Variants in ADAMTS2 observed in about 807,000 individuals in gnomAD.
ADAMTS2 encodes A disintegrin and metalloproteinase with thrombospondin motifs 2.
In ADAMTS2, 50 loss-of-function variants were observed where a neutral mutation model predicts 123.0. The observed-to-expected ratio is 0.41, with a 90% CI of 0.32 to 0.51. The LOEUF is 0.51. ADAMTS2 is among the 20% of genes least tolerant of loss of function. ADAMTS2 has a pLI of 0.35. For synonymous variants in ADAMTS2, 678 were observed against 695.4 expected (o/e 0.98, Z 0.39); for missense variants, 1,494 against 1,705.2 (o/e 0.88, Z 2.18).
rs186566802 is a variant in ADAMTS2 at position 179,216,446 on chromosome 5, G to A, written c.689-8731C>T. On this transcript the variant is annotated intron_variant, in intron 3 of 21. Transcript: ENST00000251582. ...TCCCCCCACCGAGAGCTGGAGGCAG[G>A]CCGTGGCGAGCTTAGAAGCAGGACG... is the stretch of plus-strand genomic sequence containing the variant. Among the ~76,000 whole-genome samples, 72 of 151,488 alleles carry A rather than the reference G, an allele frequency of 4.8e-4. 1 individual carries two copies. The highest frequency in any genetic ancestry group is 2.5e-3 in the South Asian group (12 of 4,760).
chr5:179,161,387 G>A (rs1028824698), intron 5 of ADAMTS2, among the ~76,000 whole-genome samples: 4 of 152,176 alleles, frequency 2.6e-5, no homozygotes, highest in African/African-American at 9.7e-5. Flanking sequence ...ACTTAAGATT[G>A]GCAGCCCAGA....
At chr5:179,310,157 C>T (rs1756790320) in intron 2 of ADAMTS2, among the ~76,000 whole-genome samples, 1 of 152,242 alleles carries the variant, frequency 6.6e-6, no homozygotes, top group Non-Finnish European at 1.5e-5. Flanking sequence ...CCTGCACGTC[C>T]CATGTCCCCA....
At chr5:179,211,151 G>A (rs970703695) in intron 3 of ADAMTS2, among the ~76,000 whole-genome samples, 2 of 152,278 alleles carry the variant, frequency 1.3e-5, no homozygotes, top group Admixed American at 6.5e-5. Context: ...GCTATTTGCT[G>A]CTCTCCCCTC....
intron 5 of ADAMTS2, among the ~76,000 whole-genome samples, chr5:179,159,385 T>C (rs1478060876): frequency 6.6e-6 from 1 of 152,220 alleles, no homozygotes; most frequent in Non-Finnish European, 1.5e-5. Context: ...GTGAAGGTAC[T>C]TGCAGAAACC....
intron 2 of ADAMTS2, among the ~76,000 whole-genome samples, chr5:179,340,049 C>A (rs1194594439): frequency 6.6e-6 from 1 of 152,262 alleles, no homozygotes; most frequent in Non-Finnish European, 1.5e-5. Flanking sequence ...TGGATTTCTT[C>A]TTGCCATGCA....
rs554624943 is a variant in ADAMTS2, at chr5:179,275,207, A to C, written c.535-2143T>G. 1.6e-3 allele frequency among the ~76,000 whole-genome samples: 245 copies of C among 152,216 alleles called. 3 individuals are homozygous for C. Among genetic ancestry groups the C allele is most frequent in the Middle Eastern group, 6.8e-3 (2 of 294 alleles). ...AGGGGGAATGGGCTGCGGAACAAAA[A>C]TGGGTCTGGGGTCCTGGGGAGAAGG... is the stretch of plus-strand genomic sequence containing the variant. On this transcript the variant is annotated intron_variant, in intron 2 of 21. Transcript: ENST00000251582.
At chr5:179,289,367 G>A (rs1025778556) in intron 2 of ADAMTS2, among the ~76,000 whole-genome samples, 1 of 152,170 alleles carries the variant, frequency 6.6e-6, no homozygotes, top group Non-Finnish European at 1.5e-5. Flanking sequence ...AAGTGGGAGG[G>A]GAAGGGCAGC....
intron 2 of ADAMTS2, among the ~76,000 whole-genome samples, chr5:179,313,876 G>A (rs28690439): frequency 0.013 from 638 of 49,090 alleles, 110 homozygotes; most frequent in East Asian, 0.048. Flanking sequence ...ATTCACACTC[G>A]TGCACACACA....
At chr5:179,217,808 C>T (rs916808754) in intron 3 of ADAMTS2, among the ~76,000 whole-genome samples, 7 of 69,682 alleles carry the variant, frequency 1.0e-4, no homozygotes, top group African/African-American at 3.9e-4. Flanking sequence ...GGGGGATGGG[C>T]ACACTCACTA....
intron 3 of ADAMTS2, among the ~76,000 whole-genome samples, chr5:179,254,300 A>T (rs1561639420): frequency 6.6e-6 from 1 of 152,188 alleles, no homozygotes; most frequent in Non-Finnish European, 1.5e-5. Flanking sequence ...AAGGCCACAT[A>T]TTATCAATTG....
At chr5:179,187,784 C>T (rs906919384) in intron 4 of ADAMTS2, among the ~76,000 whole-genome samples, 4 of 152,214 alleles carry the variant, frequency 2.6e-5, no homozygotes, top group Non-Finnish European at 5.9e-5. Context: ...TTCAAAGCCG[C>T]AGCCATCTCT....
intron 5 of ADAMTS2, among the ~76,000 whole-genome samples, chr5:179,174,686 T>G (rs1763894924): frequency 6.6e-6 from 1 of 152,280 alleles, no homozygotes; most frequent in South Asian, 2.1e-4. Context: ...TTTATGCACA[T>G]ATGGCACTAT....
chr5:179,216,169 C>T (rs1020346038), intron 3 of ADAMTS2, among the ~76,000 whole-genome samples: 3 of 152,142 alleles, frequency 2.0e-5, no homozygotes, highest in African/African-American at 4.8e-5. Flanking sequence ...TGGAGGGTGG[C>T]GAGAAGTGAC....
At chr5:179,127,308 T>C (rs868232747) in intron 17 of ADAMTS2, among the ~76,000 whole-genome samples, 10 of 152,266 alleles carry the variant, frequency 6.6e-5, no homozygotes, top group Middle Eastern at 6.8e-3. Flanking sequence ...GACCCTTCCA[T>C]CTGCCTGGGC....
intron 3 of ADAMTS2, among the ~76,000 whole-genome samples, chr5:179,238,275 T>G (rs901363304): frequency 2.6e-5 from 4 of 152,206 alleles, no homozygotes; most frequent in Non-Finnish European, 4.4e-5. Flanking sequence ...TTTCACCTGC[T>G]GGGTGTCCAC....
intron 3 of ADAMTS2, among the ~76,000 whole-genome samples, chr5:179,243,677 G>T (rs1472566087): frequency 6.6e-6 from 1 of 152,184 alleles, no homozygotes; most frequent in African/African-American, 2.4e-5. Flanking sequence ...GGCGGCAACA[G>T]ACACTGCTGG....
intron 3 of ADAMTS2, among the ~76,000 whole-genome samples, chr5:179,229,148 CAAGGAAGT>C (rs1765352322): frequency 6.6e-6 from 1 of 152,186 alleles, no homozygotes; most frequent in Non-Finnish European, 1.5e-5. Context: ...CCAGAGAAGC[CAAGGAAGT>C]CCTTACAGGC....
Position 179,345,165 on chromosome 5 carries a change from G to A in ADAMTS2, c.139+25C>T. ...AGGGCCAGGCCGGCGGGGGTCCCGG[G>A]GAGTAGGGGCCGGGCCGCACCTACC... On this transcript the variant is annotated intron_variant, in intron 1 of 21. Coordinates refer to ENST00000251582, the MANE Select transcript of ADAMTS2 (RefSeq NM_014244.5). The surrounding 1 kb of genome is among the most constrained non-coding windows in gnomAD (Gnocchi z 7.5). 3 of 1,091,134 alleles carry A rather than the reference G, an allele frequency of 2.7e-6. No homozygotes were observed. The highest frequency in any genetic ancestry group is 1.0e-4 in the Admixed American group (2 of 19,354). The allele number at this position is 1,091,134 out of a possible 1,614,324, so 67.6% of individuals were successfully genotyped here. A position where few individuals can be genotyped will look rare whatever the true frequency, so the allele number is the denominator to read the frequency against.
In ADAMTS2 at chr5:179,154,173, C is replaced by T. The variant is rs764792985; in HGVS notation, c.1258G>A (p.Gly420Arg). The T allele has an allele frequency of 7.7e-6, 12 of 1,562,320 alleles. No homozygotes were observed. Among genetic ancestry groups the T allele is most frequent in the South Asian group, 1.2e-5 (1 of 85,642 alleles). ...TGHVLGMEHD[G>R]QGNRCGDEVR... ...TCGTCGCCACAGCGGTTGCCCTGCC[C>T]GTCGTGCTCCATGCCCAGCCTGCGA... is the stretch of plus-strand genomic sequence containing the variant. Residue 420 changes from glycine to arginine, a missense_variant, in exon 8 of 22, where the codon GGG (glycine) becomes AGG (arginine). Gly to Arg is a moderately radical substitution (Grantham distance 125). Coordinates refer to ENST00000251582, the MANE Select transcript of ADAMTS2 (RefSeq NM_014244.5).
Sources: allele counts gnomAD v4.1 joint callset (sites outside exome capture counted in the v4.1 genomes callset), GRCh38; gene constraint gnomAD v4.1.1; non-coding constraint Gnocchi (gnomAD v3.1); transcripts MANE v1.5; gene names NCBI Gene and HGNC (gene_info 2026-07-23, HGNC 2026-07-21).